The following VMP1 variants were observed in gnomAD, a reference collection of about 807,000 sequenced individuals.
VMP1 encodes the protein vacuole membrane protein 1.
In VMP1, 11 loss-of-function variants were observed where a neutral mutation model predicts 56.0. That is an observed-to-expected ratio of 0.20 (90% CI 0.12 to 0.32). VMP1 has a LOEUF of 0.32. Ranked by LOEUF, VMP1 falls within the 10% of genes least tolerant of loss-of-function variation. The pLI, the probability that VMP1 is intolerant of heterozygous loss-of-function variation, is 1.00. For missense variants in VMP1, 296 were observed against 490.3 expected, an observed-to-expected ratio of 0.60 and a Z score of 3.74; for synonymous variants, 149 against 165.0, an observed-to-expected ratio of 0.90 and a Z score of 0.74.
chr17:59,772,990 T>G (rs2036489021), intron 6 of VMP1, among the ~76,000 whole-genome samples: 1 of 120,166 alleles, frequency 8.3e-6, no homozygotes, highest in African/African-American at 3.2e-5. Flanking sequence ...TGAGACAGAG[T>G]CTTGCTCTGT....
intron 7 of VMP1, among the ~76,000 whole-genome samples, chr17:59,801,884 AAAAAC>A (rs906342032): frequency 9.9e-4 from 150 of 152,066 alleles, no homozygotes; most frequent in African/African-American, 3.4e-3. Context: ...ACTCCATCTC[AAAAAC>A]AAAACAAAAC....
At chr17:59,710,275 T>A (rs77372667) in intron 1 of VMP1, among the ~76,000 whole-genome samples, 200 of 152,314 alleles carry the variant, frequency 1.3e-3, no homozygotes, top group Non-Finnish European at 2.3e-3. Context: ...TATAAGTAGA[T>A]TCCCATTTAA....
intron 5 of VMP1, among the ~76,000 whole-genome samples, chr17:59,744,917 A>G (rs1453211011): frequency 6.6e-6 from 1 of 152,186 alleles, no homozygotes; most frequent in African/African-American, 2.4e-5. Flanking sequence ...AAGGAAAACA[A>G]AAGATATCAC....
chr17:59,807,768 G>T (rs1197955287), intron 7 of VMP1, among the ~76,000 whole-genome samples: 1 of 147,658 alleles, frequency 6.8e-6, no homozygotes, highest in Admixed American at 6.9e-5. Context: ...GGAGGCGGAG[G>T]TTCCAGTGAG....
intron 1 of VMP1, among the ~76,000 whole-genome samples, chr17:59,718,491 C>T (rs1041351715): frequency 1.2e-4 from 18 of 151,692 alleles, no homozygotes; most frequent in African/African-American, 4.1e-4. Context: ...CCACCGTGCC[C>T]GGCCCCTCCT....
intron 5 of VMP1, among the ~76,000 whole-genome samples, chr17:59,755,553 TATA>T (rs2035808618): frequency 6.6e-6 from 1 of 152,168 alleles, no homozygotes; most frequent in African/African-American, 2.4e-5. Flanking sequence ...ACTTTTATAG[TATA>T]ATCTCATATT....
chr17:59,792,676 C>T (rs2037277147), intron 7 of VMP1, among the ~76,000 whole-genome samples: 1 of 148,974 alleles, frequency 6.7e-6, no homozygotes, highest in Admixed American at 6.8e-5. Context: ...ACCAGCCTGA[C>T]CAACATGGAG....
Position 59,840,024 on chromosome 17 carries a change from A to T in VMP1, c.*113A>T. 1 of 1,434,246 alleles carries T rather than the reference A, an allele frequency of 7.0e-7. No homozygotes were observed. The highest frequency in any genetic ancestry group is 9.4e-7 in the Non-Finnish European group (1 of 1,058,532). 88.8% of individuals were successfully genotyped at this position (1,434,246 alleles called of 1,614,324 possible). ...TTTCCAACCTGTATCAATTTTTACA[A>T]CTTTTTTCCTGAAAGCAGTTTAGTC... On this transcript the variant is annotated 3_prime_UTR_variant, in exon 12 of 12. Transcript: ENST00000262291.
chr17:59,762,122 G>T (rs1234676634), intron 5 of VMP1, among the ~76,000 whole-genome samples: 2 of 152,104 alleles, frequency 1.3e-5, no homozygotes, highest in Non-Finnish European at 2.9e-5. Context: ...ATTTTGTCCA[G>T]TTTTCTAATT....
chr17:59,764,561 C>T (rs1211276264), intron 5 of VMP1, among the ~76,000 whole-genome samples: 2 of 152,172 alleles, frequency 1.3e-5, no homozygotes, highest in African/African-American at 4.8e-5. Flanking sequence ...TGGCTTCAAG[C>T]AGTCATCCTG....
At chr17:59,757,238 G>GAGATAGAT (rs72408206) in intron 5 of VMP1, among the ~76,000 whole-genome samples, 2,225 of 146,870 alleles carry the variant, frequency 0.015, 22 homozygotes, top group East Asian at 0.023. Flanking sequence ...GATTAGGATG[G>GAGATAGAT]AGATAGATAG....
At chr17:59,770,551 A>C (rs1238670897) in intron 6 of VMP1, among the ~76,000 whole-genome samples, 1 of 151,810 alleles carries the variant, frequency 6.6e-6, no homozygotes, top group Non-Finnish European at 1.5e-5. Flanking sequence ...TTCATTATCC[A>C]ATTAGTGTTC....
chr17:59,735,568 A>G lies in VMP1; in HGVS notation c.212+95A>G, dbSNP rs1598311065. ...CTTACTTTCTGCCCTCTACTCCATCAAAATGGATTAATTACCTTTAGAATA... is the reference window on the plus strand; with the variant it reads ...CTTACTTTCTGCCCTCTACTCCATCGAAATGGATTAATTACCTTTAGAATA... On this transcript the variant is annotated intron_variant, in intron 3 of 11. Coordinates refer to ENST00000262291, the MANE Select transcript of VMP1 (RefSeq NM_030938.5). 51 of 1,302,504 alleles carry G rather than the reference A, an allele frequency of 3.9e-5. No homozygotes were observed. In the East Asian group the frequency reaches 1.2e-3, roughly 30 times the overall value. The allele number at this position is 1,302,504 out of a possible 1,614,324, so 80.7% of individuals were successfully genotyped here.
intron 7 of VMP1, among the ~76,000 whole-genome samples, chr17:59,804,779 A>T (rs1361414393): frequency 2.0e-5 from 3 of 152,094 alleles, no homozygotes; most frequent in Non-Finnish European, 1.5e-5. Flanking sequence ...CAAGGAAAAA[A>T]ATCAAGAAAA....
intron 3 of VMP1, among the ~76,000 whole-genome samples, chr17:59,735,909 T>A (rs184853188): frequency 3.9e-4 from 59 of 152,320 alleles, no homozygotes; most frequent in African/African-American, 1.3e-3. Context: ...GTCTTTAAAT[T>A]TAGTACTTGT....
intron 10 of VMP1, among the ~76,000 whole-genome samples, chr17:59,836,514 C>T (rs2038985836): frequency 6.6e-6 from 1 of 152,072 alleles, no homozygotes; most frequent in Non-Finnish European, 1.5e-5. Flanking sequence ...ACCTTTTTAA[C>T]AACTTCACCC....
At chr17:59,729,523 A>G (rs2034739675) in intron 1 of VMP1, among the ~76,000 whole-genome samples, 1 of 151,528 alleles carries the variant, frequency 6.6e-6, no homozygotes, top group Non-Finnish European at 1.5e-5. Flanking sequence ...CAGTGTCACT[A>G]TGAACATTCC....
chr17:59,742,522 CAATAATAAT>C (rs71370113), intron 5 of VMP1, among the ~76,000 whole-genome samples: 115 of 142,942 alleles, frequency 8.0e-4, no homozygotes, highest in African/African-American at 1.4e-3. Context: ...GTCTCAAAAA[CAATAATAAT>C]AATAATAATA....
chr17:59,812,311 G>A (rs1191073376), intron 9 of VMP1, among the ~76,000 whole-genome samples: 1 of 152,158 alleles, frequency 6.6e-6, no homozygotes, highest in African/African-American at 2.4e-5. Flanking sequence ...GGAGGAGAAT[G>A]GGGAAGAAGA....
Sources: gnomAD v4.1 joint callset for allele counts (sites outside exome capture counted in the v4.1 genomes callset) on GRCh38, gnomAD v4.1.1 for gene constraint, MANE v1.5 for transcripts, NCBI Gene and HGNC (gene_info 2026-07-23, HGNC 2026-07-21) for gene names.